Variants in PTPRB observed in about 807,000 individuals in gnomAD.
The protein encoded by PTPRB is receptor-type tyrosine-protein phosphatase beta.
Under a neutral mutation model 238.1 loss-of-function variants are expected in PTPRB, and 97 were observed. The observed-to-expected ratio is 0.41, with a 90% CI of 0.35 to 0.48. The LOEUF is 0.48. Among genes scored for constraint, PTPRB ranks in the 20% least tolerant of loss-of-function variants. The probability of loss-of-function intolerance (pLI) is 0.30; values close to 1 mark genes in which losing one functional copy is unlikely to be tolerated. For missense variants in PTPRB, 2,292 were observed against 2,681.9 expected, an observed-to-expected ratio of 0.85 and a Z score of 3.21; for synonymous variants, 970 against 995.4, an observed-to-expected ratio of 0.97 and a Z score of 0.48.
At position 70,544,590 on chromosome 12, in the gene PTPRB, T is replaced by G; in HGVS notation, c.5461A>C (p.Thr1821Pro). The stretch of plus-strand genomic sequence containing the variant: ...GTAGTGATGGGTAAAGAAAAAAATG[T>G]GTCTGAATAGAGTGGCTTTGTGAAT... The part of the protein sequence containing the change: ...KEFTKPLYSD[T>P]FFSLPITTES... The change falls in exon 22 of 34, where the codon ACA becomes CCA. Residue 1821 changes from threonine to proline, a missense_variant. Thr to Pro is a conservative substitution (Grantham distance 38). Transcript: ENST00000334414. 1.2e-6 allele frequency: 2 copies of G among 1,612,208 alleles called. No homozygotes were observed. The highest frequency in any genetic ancestry group is 8.5e-7 in the Non-Finnish European group (1 of 1,179,230).
intron 3 of PTPRB, among the ~76,000 whole-genome samples, chr12:70,616,029 C>T (rs2583998): frequency 0.14 from 21,781 of 151,564 alleles, 1,989 homozygotes; most frequent in East Asian, 0.34. Context: ...CTTTTTTTTG[C>T]TTGTTTTCTC....
In PTPRB at chr12:70,536,153, T is replaced by C. The variant is rs746451547; in HGVS notation, c.5953A>G (p.Asn1985Asp). 98 of 1,612,958 alleles carry C rather than the reference T, an allele frequency of 6.1e-5. No homozygotes were observed. The highest frequency in any genetic ancestry group is 8.0e-5 in the Non-Finnish European group (94 of 1,179,448). ...GTGACAATGTATTCTCTTCTGAAGT[T>C]GTTGCCCTGCAATGAATTTACAATA... ...YINASYIPGN[N>D]FRREYIVTQG... is the part of the protein sequence containing the mutation. The change falls in exon 29 of 34, where the codon AAC (asparagine) becomes GAC (aspartate). Residue 1985 changes from asparagine (N) to aspartate (D), a missense_variant. By Grantham distance (23) the Asn-to-Asp change is conservative. Transcript: ENST00000334414.
chr12:70,576,675 G>T (rs752405531), intron 10 of PTPRB, 30 bp from the exon 11 acceptor site: 53 of 267,272 alleles, frequency 2.0e-4, no homozygotes, highest in Non-Finnish European at 2.7e-4. Context: ...GGGGCGGGGG[G>T]GGGGGGGAAG....
Position 70,538,183 on chromosome 12 carries a change from G to A in PTPRB, c.5918C>T (p.Ser1973Phe), listed in dbSNP as rs1874468818. 4 of 1,613,718 alleles carry A rather than the reference G, an allele frequency of 2.5e-6. No individual in the cohort carries two copies. In the Admixed American group the frequency reaches 5.0e-5, roughly 20 times the overall value. ...KLSNVDDDPC[S>F]DYINASYIPG... Reference sequence around the variant, plus strand: ...GATGTAGCTGGCATTGATGTAGTCAGAGCAAGGATCATCATCTACATTGGA... The same window carrying A: ...GATGTAGCTGGCATTGATGTAGTCAAAGCAAGGATCATCATCTACATTGGA... The change falls in exon 28 of 34, where the codon TCT becomes TTT. Residue 1973 changes from serine (S) to phenylalanine (F), a missense_variant. Ser to Phe is a radical substitution (Grantham distance 155). Coordinates refer to ENST00000334414, the MANE Select transcript of PTPRB (RefSeq NM_001109754.4).
Position 70,555,294 on chromosome 12 carries a change from G to C in PTPRB, c.5009C>G (p.Pro1670Arg). 1 of 1,612,264 alleles carries C rather than the reference G, an allele frequency of 6.2e-7. No homozygotes were observed. Among genetic ancestry groups the C allele is most frequent in the Non-Finnish European group, 8.5e-7 (1 of 1,179,466 alleles). Reference protein sequence around the residue: ...ITMIDRPPPPPPHIRVNEKDV... With the variant: ...ITMIDRPPPPRPHIRVNEKDV... The stretch of plus-strand genomic sequence containing the variant: ...CTTTTCATTCACACGAATGTGTGGG[G>C]GTGGAGGAGGGGGGCCTGGAAAAAG... The change falls in exon 20 of 34, where the codon CCC (proline) becomes CGC (arginine). Residue 1670 changes from proline (P) to arginine (R), a missense_variant. Physicochemically the swap from Pro to Arg is moderately radical, Grantham distance 103 (BLOSUM62 -2). This residue lies in a region of PTPRB where 683 missense variants were observed against 862.0 expected (regional missense o/e 0.79). Transcript: ENST00000334414.
rs1232166931 is a variant in PTPRB at position 70,552,910 on chromosome 12, C to T, written c.5254G>A (p.Ala1752Thr). Residue 1752 changes from alanine to threonine, a missense_variant, in exon 21 of 34, where the codon GCC becomes ACC. Physicochemically the swap from Ala to Thr is moderately conservative, Grantham distance 58. Transcript: ENST00000334414. ...YQTNYFASKC[A>T]ENPNSNSKSF... ...TTGGAGTTGCTGTTAGGATTTTCGG[C>T]ACATTTGCTGGCAAAATAATTAGTC... 1 of 1,613,972 alleles carries T rather than the reference C, an allele frequency of 6.2e-7. No homozygotes were observed.
intron 9 of PTPRB, among the ~76,000 whole-genome samples, chr12:70,586,505 C>G (rs950640082): frequency 6.6e-6 from 1 of 152,122 alleles, no homozygotes; most frequent in African/African-American, 2.4e-5. Flanking sequence ...AGATTAGATT[C>G]CCCATGCTCC....
At chr12:70,599,176 CA>C (rs1456257999) in intron 4 of PTPRB, among the ~76,000 whole-genome samples, 1 of 152,100 alleles carries the variant, frequency 6.6e-6, no homozygotes, top group Non-Finnish European at 1.5e-5. Flanking sequence ...ATACTTCTAT[CA>C]GGGGTGCACA....
intron 14 of PTPRB, among the ~76,000 whole-genome samples, chr12:70,568,798 A>G (rs1879653147): frequency 6.6e-6 from 1 of 152,218 alleles, no homozygotes; most frequent in Non-Finnish European, 1.5e-5. Context: ...GGGGCCAGAC[A>G]GACCTAGACT....
Position 70,594,661 on chromosome 12 carries a change from G to A in PTPRB, c.1322C>T (p.Ser441Phe), listed in dbSNP as rs1265108396. ...TCGTTCCACATTCCCAGAACCATGGGACCAGGAAATCAGGAGAGAATTGGC... is the reference window on the plus strand; with the variant it reads ...TCGTTCCACATTCCCAGAACCATGGAACCAGGAAATCAGGAGAGAATTGGC... ...TKANSLLISW[S>F]HGSGNVERYR... Residue 441 changes from serine (S) to phenylalanine (F), a missense_variant, in exon 6 of 34, where the codon TCC (serine) becomes TTC (phenylalanine). Physicochemically the swap from Ser to Phe is radical, Grantham distance 155. Around this residue, in one of 4 missense-constraint regions of PTPRB, gnomAD observed 1,205 missense variants for 1,287.8 expected, o/e 0.94. Transcript: ENST00000334414. 5 of 1,613,984 alleles carry A rather than the reference G, an allele frequency of 3.1e-6. No homozygotes were observed. The East Asian group carries it at 1.1e-4, about 36-fold the overall frequency.
intron 15 of PTPRB, among the ~76,000 whole-genome samples, chr12:70,565,052 GT>G (rs986299624): frequency 6.6e-6 from 1 of 151,878 alleles, no homozygotes; most frequent in Non-Finnish European, 1.5e-5. Flanking sequence ...GACCATGGGA[GT>G]TTTTTTATTC....
intron 2 of PTPRB, among the ~76,000 whole-genome samples, chr12:70,629,052 T>A (rs1235188729): frequency 6.6e-6 from 1 of 152,158 alleles, no homozygotes; most frequent in Non-Finnish European, 1.5e-5. Flanking sequence ...TTGAAACATT[T>A]ATTAATTTAT....
At chr12:70,530,367 C>T (rs1047354837) in intron 32 of PTPRB, among the ~76,000 whole-genome samples, 2 of 151,900 alleles carry the variant, frequency 1.3e-5, no homozygotes, top group East Asian at 1.9e-4. Context: ...CTTATATACC[C>T]GTACATATGT....
chr12:70,613,127 G>A (rs561747140), intron 3 of PTPRB, among the ~76,000 whole-genome samples: 50 of 152,250 alleles, frequency 3.3e-4, no homozygotes, highest in African/African-American at 1.2e-3. Flanking sequence ...ACAGGGGTTT[G>A]AACTGGACAT....
chr12:70,532,160 C>T lies in PTPRB; in HGVS notation c.6379G>A (p.Gly2127Ser), dbSNP rs1873354650. ...AATGCAATAAAGGTTCCAGTCCTAC[C>T]CACACCAGCACTAGAAGAGATGGCA... ...PTVVHCSAGV[G>S]RTGTFIALDR... is the part of the protein sequence containing the mutation. The change falls in exon 32 of 34, where the codon GGT becomes AGT. Residue 2127 changes from glycine (G) to serine (S), a missense_variant. Physicochemically the swap from Gly to Ser is moderately conservative, Grantham distance 56. This residue lies in a region of PTPRB where 397 missense variants were observed against 502.0 expected (regional missense o/e 0.79). Coordinates refer to ENST00000334414, the MANE Select transcript of PTPRB (RefSeq NM_001109754.4). The T allele has an allele frequency of 6.2e-7, 1 of 1,606,954 alleles. No homozygotes were observed. Among genetic ancestry groups the T allele is most frequent in the Non-Finnish European group, 8.5e-7 (1 of 1,177,682 alleles).
chr12:70,541,081 C>T, intron 22 of PTPRB, 124 bp from the exon 23 acceptor site: 1 of 772,140 alleles, frequency 1.3e-6, no homozygotes. Context: ...CAAGTGATGC[C>T]CACGATGAGG....
intron 16 of PTPRB, among the ~76,000 whole-genome samples, chr12:70,562,493 C>T (rs558806118): frequency 1.8e-4 from 27 of 152,278 alleles, no homozygotes; most frequent in African/African-American, 6.3e-4. Context: ...CTGCTCTCCT[C>T]TCCGTCTATT....
chr12:70,519,454 A>T lies in PTPRB; in HGVS notation c.*2035T>A, dbSNP rs1169278659. ...TAACAACAATCCTAACTTTATGAGG[A>T]TTCTCTTTATGTGAGTAGAAATGTG... On this transcript the variant is annotated 3_prime_UTR_variant, in exon 34 of 34. Transcript: ENST00000334414. The T allele has an allele frequency of 6.6e-6, 1 of 152,318 alleles. No individual in the cohort carries two copies. The highest frequency in any genetic ancestry group is 1.9e-4 in the East Asian group (1 of 5,178). The allele number at this position is 152,318 out of a possible 1,614,324, so 9.4% of individuals were successfully genotyped here.
chr12:70,567,502 A>G (rs1037464891), intron 14 of PTPRB, among the ~76,000 whole-genome samples: 16 of 152,178 alleles, frequency 1.1e-4, no homozygotes, highest in Non-Finnish European at 2.2e-4. Flanking sequence ...ACCCTTGTAT[A>G]TATAATCAAA....
Sources: gnomAD v4.1 joint callset for allele counts (sites outside exome capture counted in the v4.1 genomes callset) on GRCh38, gnomAD v4.1.1 for gene constraint, gnomAD v4.1.1 regional missense constraint, MANE v1.5 for transcripts, NCBI Gene and HGNC (gene_info 2026-07-23, HGNC 2026-07-21) for gene names.